Variants in RNGTT observed in about 807,000 individuals in gnomAD.
RNGTT encodes mRNA-capping enzyme.
In RNGTT, 33 loss-of-function variants were observed where a neutral mutation model predicts 79.3. That is an observed-to-expected ratio of 0.42 (90% CI 0.32 to 0.56). RNGTT has a LOEUF of 0.56. Ranked by LOEUF, RNGTT falls within the 20% of genes least tolerant of loss-of-function variation. The pLI, the probability that RNGTT is intolerant of heterozygous loss-of-function variation, is 0.17. For missense variants in RNGTT, 497 were observed against 739.1 expected, an observed-to-expected ratio of 0.67 and a Z score of 3.80; for synonymous variants, 222 against 235.9, an observed-to-expected ratio of 0.94 and a Z score of 0.54.
intron 10 of RNGTT, among the ~76,000 whole-genome samples, chr6:88,846,658 G>T (rs1194333602): frequency 6.6e-6 from 1 of 152,016 alleles, no homozygotes; most frequent in Admixed American, 6.5e-5. Flanking sequence ...TACTCGGAAG[G>T]CTGAGGCATG....
chr6:88,913,378 G>T (rs1241290768), intron 4 of RNGTT, among the ~76,000 whole-genome samples: 1 of 151,940 alleles, frequency 6.6e-6, no homozygotes, highest in South Asian at 2.1e-4. Flanking sequence ...AACATATTGT[G>T]ATACCAAAAT....
intron 13 of RNGTT, among the ~76,000 whole-genome samples, chr6:88,748,240 C>CA (rs1240511086): frequency 6.7e-6 from 1 of 150,130 alleles, no homozygotes. Context: ...CTACTTCCCT[C>CA]AGAGTATGAG....
chr6:88,767,254 A>G (rs1451231697), intron 13 of RNGTT, among the ~76,000 whole-genome samples: 2 of 152,128 alleles, frequency 1.3e-5, no homozygotes, highest in Non-Finnish European at 2.9e-5. Context: ...CACTAGACTC[A>G]AAAGTAATTC....
Position 88,769,887 on chromosome 6 carries a change from A to G in RNGTT, c.1339-13T>C. ...CAGGTTTGTATTTCTAAAGCCAATT[A>G]AAATGATGACAATCGTTACTAAGAA... On this transcript the variant is annotated splice_polypyrimidine_tract_variant and intron_variant, in intron 12 of 15. Coordinates refer to ENST00000369485, the MANE Select transcript of RNGTT (RefSeq NM_003800.5). 1.3e-6 allele frequency: 2 copies of G among 1,565,974 alleles called. No individual in the cohort carries two copies. The highest frequency in any genetic ancestry group is 3.4e-4 in the Middle Eastern group (2 of 5,870).
intron 7 of RNGTT, among the ~76,000 whole-genome samples, chr6:88,890,990 T>C (rs909089170): frequency 3.9e-5 from 6 of 152,168 alleles, no homozygotes. Context: ...CAACTTGACA[T>C]AACTGCAAGG....
At chr6:88,775,092 C>A (rs1371158709) in intron 12 of RNGTT, among the ~76,000 whole-genome samples, 1 of 152,006 alleles carries the variant, frequency 6.6e-6, no homozygotes, top group Non-Finnish European at 1.5e-5. Flanking sequence ...ATTTACTCAA[C>A]AGAATGAAAA....
intron 1 of RNGTT, among the ~76,000 whole-genome samples, chr6:88,961,399 A>G (rs1223784535): frequency 1.3e-5 from 2 of 151,848 alleles, no homozygotes; most frequent in Admixed American, 6.6e-5. Flanking sequence ...CTGTCCCTCT[A>G]GAGAACCCTT....
intron 13 of RNGTT, among the ~76,000 whole-genome samples, chr6:88,701,195 T>C (rs565501504): frequency 5.9e-5 from 9 of 152,138 alleles, no homozygotes; most frequent in Admixed American, 3.9e-4. Context: ...CTCACTGATA[T>C]AATTAGCAAA....
intron 14 of RNGTT, among the ~76,000 whole-genome samples, chr6:88,659,152 CCCTTGAAGT>C (rs1401893687): frequency 6.6e-6 from 1 of 152,132 alleles, no homozygotes; most frequent in African/African-American, 2.4e-5. Flanking sequence ...TGAACAGCAG[CCCTTGAAGT>C]CCAGATCTAT....
intron 6 of RNGTT, among the ~76,000 whole-genome samples, chr6:88,901,886 C>T (rs1235008077): frequency 6.6e-6 from 1 of 152,116 alleles, no homozygotes; most frequent in Non-Finnish European, 1.5e-5. Context: ...GAATGTGCAA[C>T]AGCATACCCA....
At chr6:88,646,688 T>G (rs1313107463) in intron 14 of RNGTT, among the ~76,000 whole-genome samples, 5 of 152,152 alleles carry the variant, frequency 3.3e-5, no homozygotes, top group Non-Finnish European at 7.3e-5. Flanking sequence ...TTCATGTCCT[T>G]TGTAGGGACA....
At chr6:88,786,289 T>C (rs1156359744) in intron 12 of RNGTT, among the ~76,000 whole-genome samples, 1 of 152,074 alleles carries the variant, frequency 6.6e-6, no homozygotes, top group Non-Finnish European at 1.5e-5. Context: ...AAAACTGTAA[T>C]ATGCTACATA....
intron 11 of RNGTT, among the ~76,000 whole-genome samples, chr6:88,806,826 A>C (rs527376345): frequency 6.6e-6 from 1 of 152,334 alleles, no homozygotes; most frequent in East Asian, 1.9e-4. Flanking sequence ...ATAACAGCAA[A>C]GTAATGGAAT....
intron 11 of RNGTT, among the ~76,000 whole-genome samples, chr6:88,824,594 T>C (rs1177115191): frequency 6.6e-6 from 1 of 152,188 alleles, no homozygotes; most frequent in Non-Finnish European, 1.5e-5. Context: ...AATAACCATG[T>C]TTGGCTAGGA....
intron 11 of RNGTT, among the ~76,000 whole-genome samples, chr6:88,822,885 G>A (rs1222214355): frequency 6.6e-6 from 1 of 152,140 alleles, no homozygotes; most frequent in Non-Finnish European, 1.5e-5. Flanking sequence ...CAAGCGGGGA[G>A]GGTGATATGA....
rs534936806 is a variant in RNGTT at position 88,611,817 on chromosome 6, G to A, written c.*902C>T. On this transcript the variant is annotated 3_prime_UTR_variant, in exon 16 of 16. Transcript: ENST00000369485. The stretch of plus-strand genomic sequence containing the variant: ...TGTTCGAGAGAAGGAACACAACATC[G>A]TTTGTATTTGATATCACTCCCATAG... 5.9e-5 allele frequency: 9 copies of A among 152,700 alleles called. No homozygotes were observed. The South Asian group carries it at 1.7e-3, about 28-fold the overall frequency. 9.5% of individuals were successfully genotyped at this position (152,700 alleles called of 1,614,324 possible). A position where few individuals can be genotyped will look rare whatever the true frequency, so the allele number is the denominator to read the frequency against.
At chr6:88,786,445 A>T (rs192077372) in intron 12 of RNGTT, among the ~76,000 whole-genome samples, 2 of 152,324 alleles carry the variant, frequency 1.3e-5, no homozygotes, top group Admixed American at 1.3e-4. Flanking sequence ...ACGTTAAAAT[A>T]TTCATTTTTA....
At chr6:88,619,625 T>C (rs1414365760) in intron 14 of RNGTT, among the ~76,000 whole-genome samples, 1 of 152,264 alleles carries the variant, frequency 6.6e-6, no homozygotes, top group East Asian at 1.9e-4. Flanking sequence ...GTGGAATGAA[T>C]ATATGAGACT....
intron 1 of RNGTT, among the ~76,000 whole-genome samples, chr6:88,954,954 AG>A (rs1458878435): frequency 3.9e-5 from 6 of 152,138 alleles, no homozygotes; most frequent in African/African-American, 7.2e-5. Context: ...GCTACTAGGG[AG>A]GCTGAGGCAG....
Sources: allele counts gnomAD v4.1 joint callset (sites outside exome capture counted in the v4.1 genomes callset), GRCh38; gene constraint gnomAD v4.1.1; transcripts MANE v1.5; gene names NCBI Gene and HGNC (gene_info 2026-07-23, HGNC 2026-07-21).